The following CDH18 variants were observed in gnomAD, a reference collection of about 807,000 sequenced individuals.
CDH18 encodes the protein cadherin-18.
Under a neutral mutation model 67.9 loss-of-function variants are expected in CDH18, and 31 were observed. The observed-to-expected ratio is 0.46, with a 90% CI of 0.34 to 0.62. The LOEUF (loss-of-function observed/expected upper bound fraction) is 0.62. Ranked by LOEUF, CDH18 falls within the 20% of genes least tolerant of loss-of-function variation. CDH18 has a pLI of 0.01. For synonymous variants in CDH18, 362 were observed against 347.2 expected (o/e 1.04, Z -0.48); for missense variants, 890 against 975.5 (o/e 0.91, Z 1.17).
chr5:20,026,290 C>T (rs1040777024), intron 2 of CDH18, among the ~76,000 whole-genome samples: 1 of 152,082 alleles, frequency 6.6e-6, no homozygotes, highest in African/African-American at 2.4e-5. Context: ...TAATAAGATG[C>T]TATGTGGCCA....
At position 19,780,581 on chromosome 5, in the gene CDH18, C is replaced by G. The variant is rs1775000485; in HGVS notation, c.229-33345G>C. Among the ~76,000 whole-genome samples the G allele has an allele frequency of 3.3e-5, 5 of 152,020 alleles. No individual in the cohort carries two copies. The South Asian group carries it at 1.0e-3, about 32-fold the overall frequency. The stretch of plus-strand genomic sequence containing the variant: ...ACTGCTTCTAGACACTTTTGTTTCC[C>G]CCTTGGTTATCTAATCTCCCAGACA... On this transcript the variant is annotated intron_variant, in intron 3 of 12. Coordinates refer to ENST00000382275, the MANE Select transcript of CDH18 (RefSeq NM_004934.5).
intron 2 of CDH18, among the ~76,000 whole-genome samples, chr5:20,201,963 A>C (rs1421468907): frequency 6.6e-6 from 1 of 152,236 alleles, no homozygotes; most frequent in Admixed American, 6.5e-5. Context: ...AATTGATTCC[A>C]GAAACAGGGA....
At chr5:20,389,634 CTACTT>C (rs1203565292) in intron 1 of CDH18, among the ~76,000 whole-genome samples, 1 of 152,082 alleles carries the variant, frequency 6.6e-6, no homozygotes, top group Admixed American at 6.6e-5. Context: ...TTGGGAAAAA[CTACTT>C]TAAAGTTCAT....
chr5:20,092,938 A>T (rs1745567181), intron 2 of CDH18, among the ~76,000 whole-genome samples: 2 of 152,200 alleles, frequency 1.3e-5, no homozygotes, highest in South Asian at 4.1e-4. Flanking sequence ...AAAATTTACT[A>T]CTGATTAAGT....
chr5:19,784,700 A>C (rs898511376), intron 3 of CDH18, among the ~76,000 whole-genome samples: 2 of 152,156 alleles, frequency 1.3e-5, no homozygotes, highest in Non-Finnish European at 2.9e-5. Context: ...TAGCAAAGTA[A>C]TCTTACTTCA....
chr5:20,090,730 GAA>G (rs983128749), intron 2 of CDH18, among the ~76,000 whole-genome samples: 1 of 150,098 alleles, frequency 6.7e-6, no homozygotes, highest in African/African-American at 2.4e-5. Context: ...AAAAAGAAAA[GAA>G]AAAAAAAGAA....
chr5:19,804,301 CA>C (rs72249900), intron 3 of CDH18, among the ~76,000 whole-genome samples: 11,789 of 125,218 alleles, frequency 0.094, 1,223 homozygotes, highest in African/African-American at 0.27. Context: ...GATTCCATCT[CA>C]AAAAAAAAAA....
chr5:19,843,733 T>G lies in CDH18; in HGVS notation c.-256-4491A>C, dbSNP rs78800887. Among the ~76,000 whole-genome samples, 624 of 152,332 alleles carry G rather than the reference T, an allele frequency of 4.1e-3. 3 individuals carry two copies. The highest frequency in any genetic ancestry group is 0.014 in the African/African-American group (581 of 41,584). On this transcript the variant is annotated intron_variant, in intron 2 of 12. Transcript: ENST00000382275. ...CTGTGAAAGCAGCCAGAGCAGGGGC[T>G]TGTATCCTAAAAAGCCACAGGAGTG...
chr5:20,000,836 G>T (rs545907290), intron 2 of CDH18, among the ~76,000 whole-genome samples: 1 of 151,762 alleles, frequency 6.6e-6, no homozygotes, highest in East Asian at 1.9e-4. Flanking sequence ...GAAGGGAGAA[G>T]AAAAATGGCA....
chr5:19,738,088 A>C (rs968657317), intron 4 of CDH18, among the ~76,000 whole-genome samples: 2 of 152,138 alleles, frequency 1.3e-5, no homozygotes, highest in Admixed American at 1.3e-4. Context: ...AAATGTATAT[A>C]ATTTGGGTTT....
chr5:19,708,415 G>A (rs1188499613), intron 5 of CDH18, among the ~76,000 whole-genome samples: 4 of 152,054 alleles, frequency 2.6e-5, no homozygotes, highest in African/African-American at 4.8e-5. Flanking sequence ...AGCTCATGGA[G>A]ATAAAGCTGC....
intron 1 of CDH18, among the ~76,000 whole-genome samples, chr5:20,402,101 T>A (rs1340169277): frequency 6.6e-6 from 1 of 152,196 alleles, no homozygotes; most frequent in Non-Finnish European, 1.5e-5. Context: ...TTTCTTTTCA[T>A]ATGCCTAGAA....
At chr5:19,708,454 A>AG (rs1041099583) in intron 5 of CDH18, among the ~76,000 whole-genome samples, 8 of 152,168 alleles carry the variant, frequency 5.3e-5, no homozygotes, top group Non-Finnish European at 1.2e-4. Flanking sequence ...GCAAAAAAAA[A>AG]GGGGGGGACA....
intron 5 of CDH18, among the ~76,000 whole-genome samples, chr5:19,704,909 A>C (rs886718401): frequency 1.3e-5 from 2 of 152,198 alleles, no homozygotes; most frequent in African/African-American, 4.8e-5. Context: ...TTATAAGCCC[A>C]AAAAATTGGC....
chr5:20,528,437 C>T (rs568269097), intron 1 of CDH18, among the ~76,000 whole-genome samples: 1 of 152,134 alleles, frequency 6.6e-6, no homozygotes, highest in South Asian at 2.1e-4. Context: ...CACCCAAAAA[C>T]AACAGAATAT....
intron 1 of CDH18, chr5:20,304,319 A>G: frequency 1.3e-6 from 2 of 1,591,008 alleles, no homozygotes; most frequent in Non-Finnish European, 1.7e-6. Flanking sequence ...CAGAGTACCT[A>G]TGACTTTCTC....
chr5:19,609,229 T>C (rs1032869361), intron 6 of CDH18, among the ~76,000 whole-genome samples: 3 of 151,946 alleles, frequency 2.0e-5, no homozygotes, highest in Non-Finnish European at 4.4e-5. Flanking sequence ...GTACTTTGAG[T>C]AGAATTTCAA....
At chr5:20,259,873 G>A (rs1293211947) in intron 1 of CDH18, among the ~76,000 whole-genome samples, 1 of 151,862 alleles carries the variant, frequency 6.6e-6, no homozygotes, top group Non-Finnish European at 1.5e-5. Flanking sequence ...TTGAGGAAAG[G>A]GTAGACATGA....
At chr5:19,981,426 G>A (rs1799029657) in intron 1 of CDH18, among the ~76,000 whole-genome samples, 1 of 152,148 alleles carries the variant, frequency 6.6e-6, no homozygotes, top group South Asian at 2.1e-4. Context: ...ATAAAGAGCA[G>A]GCATTTATTT....
Sources: allele counts gnomAD v4.1 joint callset (sites outside exome capture counted in the v4.1 genomes callset), GRCh38; gene constraint gnomAD v4.1.1; transcripts MANE v1.5; gene names NCBI Gene and HGNC (gene_info 2026-07-23, HGNC 2026-07-21).